TRAK1: variants seen among roughly 807,000 people sequenced by gnomAD.
The protein encoded by TRAK1 is trafficking kinesin-binding protein 1.
In TRAK1, 33 loss-of-function variants were observed where a neutral mutation model predicts 92.1. The ratio of observed to expected loss-of-function variants is 0.36; its 90% CI spans 0.27 to 0.48. The LOEUF is 0.48. Ranked by LOEUF, TRAK1 falls within the 20% of genes least tolerant of loss-of-function variation. The pLI is 0.99. For synonymous variants in TRAK1, 521 were observed against 517.3 expected (o/e 1.01, Z -0.10); for missense variants, 1,123 against 1,257.9 (o/e 0.89, Z 1.62).
In TRAK1 at chr3:42,174,447, T is replaced by C. The variant is rs192468863; in HGVS notation, c.287-2367T>C. ...GTTGGGATATTATGATCTTGCAGAA[T>C]GTTACCATTGGGGGAACTGGATAAA... On this transcript the variant is annotated intron_variant, in intron 2 of 15. Coordinates refer to ENST00000327628, the MANE Select transcript of TRAK1 (RefSeq NM_001042646.3). Among the ~76,000 whole-genome samples, 416 of 152,208 alleles carry C rather than the reference T, an allele frequency of 2.7e-3. 4 individuals are homozygous for C. The highest frequency in any genetic ancestry group is 3.8e-3 in the Non-Finnish European group (260 of 68,004).
chr3:42,051,025 A>G (rs1702957268), intron 1 of TRAK1, among the ~76,000 whole-genome samples: 1 of 152,180 alleles, frequency 6.6e-6, no homozygotes, highest in African/African-American at 2.4e-5. Flanking sequence ...TTAATTCTTA[A>G]AAATTTTAAA....
At chr3:42,072,903 A>T (rs1038615223) in intron 1 of TRAK1, among the ~76,000 whole-genome samples, 16 of 152,012 alleles carry the variant, frequency 1.1e-4, no homozygotes, top group African/African-American at 3.6e-4. Flanking sequence ...GTGACCGTTG[A>T]TTTATTATTT....
In TRAK1 at chr3:42,197,002, T is replaced by TCACA. The variant is rs773977076; in HGVS notation, c.1113+2095_1113+2098dup. Among the ~76,000 whole-genome samples the TCACA allele has an allele frequency of 2.9e-3, 300 of 103,572 alleles. 1 individual carries two copies. The highest frequency in any genetic ancestry group is 0.019 in the East Asian group (58 of 2,976). 67.9% of individuals were successfully genotyped at this position (103,572 alleles called of 152,430 possible). A position where few individuals can be genotyped will look rare whatever the true frequency, so the allele number is the denominator to read the frequency against. ...TTCTCTTTCTCTCTCTCTCTCTCTC[T>TCACA]CACACACACACACACACACACACAC... is the stretch of plus-strand genomic sequence containing the variant. On this transcript the variant is annotated intron_variant, in intron 10 of 15. Transcript: ENST00000327628.
upstream of TRAK1, among the ~76,000 whole-genome samples, chr3:42,090,804 G>C (rs1704984625): frequency 6.6e-6 from 1 of 152,252 alleles, no homozygotes; most frequent in Non-Finnish European, 1.5e-5. Context: ...CCAGAGGAAA[G>C]CTGAGAAACA....
intron 2 of TRAK1, among the ~76,000 whole-genome samples, chr3:42,158,141 ATATC>A (rs1371278203): frequency 6.6e-6 from 1 of 152,244 alleles, no homozygotes; most frequent in East Asian, 1.9e-4. Flanking sequence ...ATCATTTAGA[ATATC>A]TAAGTCTCTG....
chr3:42,136,645 A>ATAAATAAATAAATAAAT (rs3073703), intron 2 of TRAK1, among the ~76,000 whole-genome samples: 19 of 136,490 alleles, frequency 1.4e-4, no homozygotes, highest in South Asian at 1.2e-3. Context: ...AAATAAATAA[A>ATAAATAAATAAATAAAT]AAATAAATAA....
At chr3:42,053,583 C>T (rs1023194559) in intron 1 of TRAK1, among the ~76,000 whole-genome samples, 2 of 151,998 alleles carry the variant, frequency 1.3e-5, no homozygotes, top group Non-Finnish European at 1.5e-5. Flanking sequence ...ACTGCCTCCT[C>T]ACCCCGCCCC....
intron 1 of TRAK1, among the ~76,000 whole-genome samples, chr3:42,022,364 A>G (rs1336629233): frequency 5.3e-5 from 8 of 152,210 alleles, no homozygotes; most frequent in African/African-American, 1.9e-4. Context: ...AAAATAGACT[A>G]AAACGTTGAC....
Position 42,223,977 on chromosome 3 carries a change from C to T in TRAK1, c.*240C>T, listed in dbSNP as rs1710602542. ...CTTTCTTCCGATCCCACAGGAAGTG[C>T]CCCTGCACTGTCATCACTCTCACGA... On this transcript the variant is annotated 3_prime_UTR_variant, in exon 16 of 16. Transcript: ENST00000327628. This position sits in a 1 kb window ranked among gnomAD's most constrained non-coding sequence, Gnocchi z 6.1. 2 of 646,682 alleles carry T rather than the reference C, an allele frequency of 3.1e-6. No homozygotes were observed. The highest frequency in any genetic ancestry group is 4.6e-5 in the Admixed American group (2 of 43,282). 40.1% of individuals were successfully genotyped at this position (646,682 alleles called of 1,614,324 possible).
intron 1 of TRAK1, among the ~76,000 whole-genome samples, chr3:42,041,785 GT>G (rs530723218): frequency 1.5e-5 from 2 of 133,818 alleles, no homozygotes; most frequent in Non-Finnish European, 3.1e-5. Flanking sequence ...TATTTCTATT[GT>G]TTTTTTTTTT....
upstream of TRAK1, among the ~76,000 whole-genome samples, chr3:42,090,022 C>T (rs937406095): frequency 6.6e-6 from 1 of 152,190 alleles, no homozygotes; most frequent in African/African-American, 2.4e-5. Context: ...GCAGGAGTTG[C>T]ATCCAGGTCT....
Position 42,176,893 on chromosome 3 carries a change from A to G in TRAK1, c.363+3A>G, listed in dbSNP as rs757865277. On this transcript the variant is annotated splice_donor_region_variant and intron_variant, in intron 3 of 15. Coordinates refer to ENST00000327628, the MANE Select transcript of TRAK1 (RefSeq NM_001042646.3). ...CTGTCACTCGGCTTCTTGAGGAGGT[A>G]AGTGCTCCAGGGGAAGGCAAAAGAG... The G allele has an allele frequency of 3.1e-6, 5 of 1,613,878 alleles. No individual in the cohort carries two copies. The highest frequency in any genetic ancestry group is 1.7e-5 in the Admixed American group (1 of 60,012).
At chr3:42,153,434 A>G (rs1700178459) in intron 2 of TRAK1, among the ~76,000 whole-genome samples, 1 of 152,102 alleles carries the variant, frequency 6.6e-6, no homozygotes, top group Non-Finnish European at 1.5e-5. Context: ...ATTTTGAACA[A>G]GGTACAGCAT....
chr3:42,211,687 C>CT, intron 14 of TRAK1: 1 of 985,280 alleles, frequency 1.0e-6, no homozygotes, highest in Non-Finnish European at 1.2e-6. Flanking sequence ...AGGACTAAAG[C>CT]TTATCAAGTC....
intron 1 of TRAK1, among the ~76,000 whole-genome samples, chr3:42,103,685 C>T (rs768510158): frequency 6.6e-6 from 1 of 152,056 alleles, no homozygotes; most frequent in South Asian, 2.1e-4. Flanking sequence ...CACTTGAGCT[C>T]AAGAGTTTGA....
At chr3:42,127,325 G>T (rs561347518) in intron 2 of TRAK1, among the ~76,000 whole-genome samples, 1 of 151,258 alleles carries the variant, frequency 6.6e-6, no homozygotes, top group South Asian at 2.1e-4. Context: ...CTCACAGGAG[G>T]CTCCTGGGTC....
intron 2 of TRAK1, among the ~76,000 whole-genome samples, chr3:42,175,647 C>T (rs1028470508): frequency 1.3e-5 from 2 of 152,156 alleles, no homozygotes; most frequent in African/African-American, 4.8e-5. Context: ...TTTCTCTGAG[C>T]TAATTTACTA....
At chr3:42,154,233 C>A (rs1188663247) in intron 2 of TRAK1, among the ~76,000 whole-genome samples, 1 of 152,108 alleles carries the variant, frequency 6.6e-6, no homozygotes, top group Non-Finnish European at 1.5e-5. Context: ...AGTGCAGTGG[C>A]ACGATCTCAG....
At chr3:42,205,592 T>A (rs1416547033) in intron 13 of TRAK1, among the ~76,000 whole-genome samples, 2 of 152,226 alleles carry the variant, frequency 1.3e-5, no homozygotes, top group African/African-American at 4.8e-5. Context: ...GGGCAGTATT[T>A]TTTTCCTGTA....
Sources: gnomAD v4.1 joint callset for allele counts (sites outside exome capture counted in the v4.1 genomes callset) on GRCh38, gnomAD v4.1.1 for gene constraint, Gnocchi (gnomAD v3.1) non-coding constraint, MANE v1.5 for transcripts, NCBI Gene and HGNC (gene_info 2026-07-23, HGNC 2026-07-21) for gene names.